RAB37: variants seen among roughly 807,000 people sequenced by gnomAD.
RAB37 encodes ras-related protein Rab-37.
In RAB37, 29 loss-of-function variants were observed where a neutral mutation model predicts 33.1. That is an observed-to-expected ratio of 0.88 (90% CI 0.65 to 1.20). The LOEUF is 1.20. Ranked by LOEUF, RAB37 falls within the 50% of genes most tolerant of loss-of-function variation. The pLI, the probability that RAB37 is intolerant of heterozygous loss-of-function variation, is 0.00. For synonymous variants in RAB37, 128 were observed against 119.5 expected (o/e 1.07, Z -0.47); for missense variants, 299 against 301.1 (o/e 0.99, Z 0.05).
rs770221948 is a variant in RAB37, at chr17:74,729,347, C to T, written c.164C>T (p.Thr55Ile). 12 of 1,613,824 alleles carry T rather than the reference C, an allele frequency of 7.4e-6. No individual in the cohort carries two copies. Among genetic ancestry groups the T allele is most frequent in the Non-Finnish European group, 9.3e-6 (11 of 1,179,840 alleles). ...TTCATCCCCGGCTCCTTCTCGGCCA[C>T]TGTGGGCATCGGATTCACGGTAAGC... The change falls in exon 2 of 8, where the codon ACT becomes ATT. Residue 55 changes from threonine to isoleucine, a missense_variant. By Grantham distance (89) the Thr-to-Ile change is moderately conservative (BLOSUM62 -1). Coordinates refer to the RAB37 transcript ENST00000340415. The surrounding 1 kb of genome is among the most constrained non-coding windows in gnomAD (Gnocchi z 4.2).
At chr17:74,734,545 A>G (rs1420816600), upstream of RAB37, among the ~76,000 whole-genome samples, 2 of 152,136 alleles carry the variant, frequency 1.3e-5, no homozygotes, top group Admixed American at 6.5e-5. Context: ...CCCTCCTGCA[A>G]TGAAAACCCG....
In RAB37 at chr17:74,738,754, C is replaced by T. The variant is rs549900318; in HGVS notation, c.93+1389C>T. On this transcript the variant is annotated intron_variant, in intron 1 of 8. Transcript: ENST00000392613. The surrounding 1 kb of genome is among the most constrained non-coding windows in gnomAD (Gnocchi z 5.0). ...CCGGAGAGTTGGTCCCCAGCCTCCC[C>T]GGGCCTGCCCCAGGGGAGTGAGTCC... is the stretch of plus-strand genomic sequence containing the variant. Among the ~76,000 whole-genome samples, 7 of 152,118 alleles carry T rather than the reference C, an allele frequency of 4.6e-5. No individual in the cohort carries two copies. Among genetic ancestry groups the T allele is most frequent in the Admixed American group, 3.3e-4 (5 of 15,286 alleles).
chr17:74,692,099 C>T (rs2032168914), intron 1 of RAB37, among the ~76,000 whole-genome samples: 1 of 152,070 alleles, frequency 6.6e-6, no homozygotes, highest in South Asian at 2.1e-4. Flanking sequence ...ATCTCCTGAC[C>T]TTGTGATCCG....
intron 1 of RAB37, among the ~76,000 whole-genome samples, chr17:74,723,688 C>T (rs1357766220): frequency 6.6e-5 from 10 of 150,534 alleles, no homozygotes; most frequent in African/African-American, 2.4e-4. Context: ...AAGTGATTCT[C>T]GTGCCTCAGC....
At chr17:74,675,204 AG>A (rs2031799968) in intron 1 of RAB37, among the ~76,000 whole-genome samples, 2 of 152,104 alleles carry the variant, frequency 1.3e-5, no homozygotes, top group African/African-American at 4.8e-5. Context: ...TGGGAGGCCA[AG>A]GAGGATGAAT....
intron 1 of RAB37, among the ~76,000 whole-genome samples, chr17:74,687,459 G>A (rs936191169): frequency 4.0e-5 from 6 of 151,786 alleles, no homozygotes; most frequent in African/African-American, 1.5e-4. Flanking sequence ...CCTGACCTCA[G>A]GTGATCCACC....
intron 1 of RAB37, among the ~76,000 whole-genome samples, chr17:74,692,425 A>T (rs917840151): frequency 6.6e-6 from 1 of 152,002 alleles, no homozygotes; most frequent in Non-Finnish European, 1.5e-5. Flanking sequence ...TGGGAGCAGG[A>T]TCTCTCCACC....
chr17:74,740,156 C>CAAAA (rs564625691), intron 1 of RAB37, among the ~76,000 whole-genome samples: 1 of 96,644 alleles, frequency 1.0e-5, no homozygotes, highest in Non-Finnish European at 2.2e-5. Flanking sequence ...AACTCCATCT[C>CAAAA]AAAAAAAAAA....
rs1400026755 is a variant in RAB37 at position 74,742,009 on chromosome 17, G to A, written c.205-245G>A. Among the ~76,000 whole-genome samples the A allele has an allele frequency of 6.6e-6, 1 of 152,188 alleles. No homozygotes were observed. The highest frequency in any genetic ancestry group is 2.4e-5 in the African/African-American group (1 of 41,448). On this transcript the variant is annotated intron_variant, in intron 2 of 8. Transcript: ENST00000392613. The surrounding 1 kb of genome is among the most constrained non-coding windows in gnomAD (Gnocchi z 4.0). ...CCTGATCCCTGGAGAGAGCCAGGAT[G>A]TTTCTCAGGCTCCTCTTGCCCTGCT...
At chr17:74,719,620 T>A (rs2034212108) in intron 1 of RAB37, among the ~76,000 whole-genome samples, 1 of 152,102 alleles carries the variant, frequency 6.6e-6, no homozygotes, top group African/African-American at 2.4e-5. Context: ...TGGACTCAAG[T>A]AATCCTCCTG....
At position 74,698,450 on chromosome 17, in the gene RAB37, G is replaced by A. The variant is rs532653695; in HGVS notation, c.72+26792G>A. ...AGCAGCAATATGGTGAAGATGAGGG[G>A]CAGGAGGACACTGAGCTTCAGGAGC... On this transcript the variant is annotated intron_variant, in intron 1 of 7. Transcript: ENST00000340415. 52 of 1,613,948 alleles carry A rather than the reference G, an allele frequency of 3.2e-5. No individual in the cohort carries two copies. In the East Asian group the frequency reaches 4.7e-4, roughly 15 times the overall value.
At position 74,688,636 on chromosome 17, in the gene RAB37, T is replaced by TA. The variant is rs201468931; in HGVS notation, c.72+16987dup. ...ACTATTGACCAATAAAATAAGAGTG[T>TA]AAAAAAAAAGAGAACGGTTATCTCT... On this transcript the variant is annotated intron_variant, in intron 1 of 7. Coordinates refer to the RAB37 transcript ENST00000340415. Among the ~76,000 whole-genome samples, 756 of 147,856 alleles carry TA rather than the reference T, an allele frequency of 5.1e-3. 4 individuals carry two copies. Among genetic ancestry groups the TA allele is most frequent in the African/African-American group, 0.017 (690 of 40,290 alleles).
intron 1 of RAB37, among the ~76,000 whole-genome samples, chr17:74,725,430 G>C (rs768335662): frequency 1.3e-5 from 2 of 152,156 alleles, no homozygotes; most frequent in African/African-American, 4.8e-5. Context: ...TTGGGGAAAA[G>C]TGCAGTCAGT....
Position 74,745,245 on chromosome 17 carries a change from C to A in RAB37, c.567-61C>A. ...TGGGCCACTGGGAGAGGGGAGGGGG[C>A]GGCTCAGCTCCTCACCCCAGCCCAG... On this transcript the variant is annotated intron_variant, in intron 8 of 8. Coordinates refer to ENST00000392613, the MANE Select transcript of RAB37 (RefSeq NM_001006638.3). The surrounding 1 kb of genome is among the most constrained non-coding windows in gnomAD (Gnocchi z 4.5). 6.5e-7 allele frequency: 1 copy of A among 1,544,960 alleles called. No individual in the cohort carries two copies. Among genetic ancestry groups the A allele is most frequent in the Non-Finnish European group, 8.9e-7 (1 of 1,118,494 alleles).
In RAB37 at chr17:74,714,396, A is replaced by AACACACACACACAC. The variant is rs3046673; in HGVS notation, c.73-14835_73-14822dup. ...CAACAGAGCAGACGCTGTCTCTTTA[A>AACACACACACACAC]ACACACACACACACACACACACACA... On this transcript the variant is annotated intron_variant, in intron 1 of 7. Coordinates refer to the RAB37 transcript ENST00000340415. Among the ~76,000 whole-genome samples the AACACACACACACAC allele has an allele frequency of 1.0e-4, 14 of 137,874 alleles. No individual in the cohort carries two copies. In the East Asian group the frequency reaches 1.7e-3, roughly 17 times the overall value. 90.5% of individuals were successfully genotyped at this position (137,874 alleles called of 152,430 possible). A position where few individuals can be genotyped will look rare whatever the true frequency, so the allele number is the denominator to read the frequency against.
Position 74,744,823 on chromosome 17 carries a change from C to T in RAB37, c.433-50C>T, listed in dbSNP as rs773587802. On this transcript the variant is annotated intron_variant, in intron 6 of 8. Transcript: ENST00000392613. This position sits in a 1 kb window ranked among gnomAD's most constrained non-coding sequence, Gnocchi z 4.2. ...CTGCTTCTGGGGCAAAATATGGGCCCGCTGGGGCGGAGGCCTCCTTCCCCA... is the reference window on the plus strand; with the variant it reads ...CTGCTTCTGGGGCAAAATATGGGCCTGCTGGGGCGGAGGCCTCCTTCCCCA... The T allele has an allele frequency of 9.3e-6, 15 of 1,609,768 alleles. No individual in the cohort carries two copies. The African/African-American group carries it at 9.4e-5, about 10-fold the overall frequency.
At chr17:74,727,080 G>A (rs1031875442) in intron 1 of RAB37, among the ~76,000 whole-genome samples, 3 of 152,162 alleles carry the variant, frequency 2.0e-5, no homozygotes, top group Admixed American at 2.0e-4. Flanking sequence ...TCCCAGTTCA[G>A]ACCTCCCAGA....
At position 74,712,922 on chromosome 17, in the gene RAB37, C is replaced by T. The variant is rs1043285161; in HGVS notation, c.73-16334C>T. ...AGTGGAGCCTGGCAGCAGGAACAAACTACAGACTCCCAGCCTTCTGCTGGT... is the reference window on the plus strand; with the variant it reads ...AGTGGAGCCTGGCAGCAGGAACAAATTACAGACTCCCAGCCTTCTGCTGGT... On this transcript the variant is annotated intron_variant, in intron 1 of 7. Coordinates refer to the RAB37 transcript ENST00000340415. 3.8e-5 allele frequency: 60 copies of T among 1,562,370 alleles called. 1 individual carries two copies. Among genetic ancestry groups the T allele is most frequent in the African/African-American group, 1.9e-4 (14 of 73,824 alleles).
rs571071904 is a variant in RAB37 at position 74,684,058 on chromosome 17, G to C, written c.72+12400G>C. Among the ~76,000 whole-genome samples the C allele has an allele frequency of 2.0e-5, 3 of 152,160 alleles. No individual in the cohort carries two copies. The East Asian group carries it at 5.8e-4, about 29-fold the overall frequency. On this transcript the variant is annotated intron_variant, in intron 1 of 7. Coordinates refer to the RAB37 transcript ENST00000340415. ...GAAAAAACAATAAGTTCATATTGGTGGCTATTAGTGAATAATGAGAGTCAT... is the reference window on the plus strand; with the variant it reads ...GAAAAAACAATAAGTTCATATTGGTCGCTATTAGTGAATAATGAGAGTCAT...
Sources: allele counts gnomAD v4.1 joint callset (sites outside exome capture counted in the v4.1 genomes callset), GRCh38; gene constraint gnomAD v4.1.1; non-coding constraint Gnocchi (gnomAD v3.1); transcripts MANE v1.5; gene names NCBI Gene and HGNC (gene_info 2026-07-23, HGNC 2026-07-21).